The following DPP10 variants were observed in gnomAD, a reference collection of about 807,000 sequenced individuals.
The protein encoded by DPP10 is dipeptidyl peptidase like 10.
A neutral mutation model predicts 120.9 loss-of-function variants in DPP10; 33 were observed. The ratio of observed to expected loss-of-function variants is 0.27; its 90% CI spans 0.21 to 0.37. The LOEUF is 0.37. Among genes scored for constraint, DPP10 ranks in the 10% least tolerant of loss-of-function variants. The probability of loss-of-function intolerance (pLI) is 1.00; values close to 1 mark genes in which losing one functional copy is unlikely to be tolerated. For synonymous variants in DPP10, 337 were observed against 326.1 expected, an observed-to-expected ratio of 1.03 and a Z score of -0.36; for missense variants, 816 against 942.8, an observed-to-expected ratio of 0.87 and a Z score of 1.76.
intron 2 of DPP10, among the ~76,000 whole-genome samples, chr2:115,321,957 T>C (rs931817772): frequency 6.6e-6 from 1 of 152,172 alleles, no homozygotes; most frequent in African/African-American, 2.4e-5. Flanking sequence ...TTTAGCTCTT[T>C]ATTCATGATT....
intron 3 of DPP10, among the ~76,000 whole-genome samples, chr2:115,361,371 T>C (rs2106352641): frequency 6.6e-6 from 1 of 152,164 alleles, no homozygotes; most frequent in East Asian, 1.9e-4. Context: ...AATTCCAGAC[T>C]AATGGCGAGA....
At chr2:114,818,524 A>G (rs1417382535) in intron 1 of DPP10, among the ~76,000 whole-genome samples, 3 of 152,178 alleles carry the variant, frequency 2.0e-5, no homozygotes, top group South Asian at 4.1e-4. Flanking sequence ...GGCGATTACA[A>G]GAAGACAACT....
chr2:115,708,130 A>G (rs867494701), intron 7 of DPP10, among the ~76,000 whole-genome samples: 13 of 152,154 alleles, frequency 8.5e-5, no homozygotes, highest in South Asian at 6.2e-4. Flanking sequence ...AGGGAAAGCA[A>G]TATGTTAAAG....
rs552227746 is a variant in DPP10 at position 114,761,723 on chromosome 2, C to T, written c.60+318885C>T. Among the ~76,000 whole-genome samples the T allele has an allele frequency of 4.6e-5, 7 of 152,272 alleles. No individual in the cohort carries two copies. In the East Asian group the frequency reaches 1.4e-3, roughly 29 times the overall value. ...CTAAATCTATTTGAGCTCACTGGCT[C>T]CTTACCAGCCAAATCTGTGGAAGTA... On this transcript the variant is annotated intron_variant, in intron 1 of 25. Coordinates refer to ENST00000410059, the MANE Select transcript of DPP10 (RefSeq NM_020868.6).
At chr2:114,858,190 G>A (rs374511057) in intron 1 of DPP10, among the ~76,000 whole-genome samples, 6 of 151,944 alleles carry the variant, frequency 3.9e-5, no homozygotes, top group Non-Finnish European at 5.9e-5. Context: ...GGGTTTCACC[G>A]TGTTGCCCAG....
chr2:115,434,588 G>A (rs1373780472), intron 3 of DPP10, among the ~76,000 whole-genome samples: 3 of 148,506 alleles, frequency 2.0e-5, no homozygotes, highest in South Asian at 2.2e-4. Context: ...TTGGAGGTAC[G>A]TGTGATAGTT....
intron 1 of DPP10, among the ~76,000 whole-genome samples, chr2:115,166,880 A>C (rs1445613479): frequency 6.6e-6 from 1 of 152,160 alleles, no homozygotes; most frequent in Non-Finnish European, 1.5e-5. Context: ...AGAATGTCTT[A>C]AGCTTTACTA....
chr2:115,608,555 G>T (rs1476516154), intron 5 of DPP10, among the ~76,000 whole-genome samples: 1 of 152,116 alleles, frequency 6.6e-6, no homozygotes, highest in Non-Finnish European at 1.5e-5. Context: ...ATAAAATGGG[G>T]ACAATTATTT....
intron 1 of DPP10, among the ~76,000 whole-genome samples, chr2:115,029,704 T>A (rs1048063119): frequency 5.9e-5 from 9 of 152,186 alleles, no homozygotes; most frequent in African/African-American, 2.2e-4. Context: ...CTTGGGATTC[T>A]GGATATTTTA....
At chr2:115,781,760 GA>G (rs748083654) in intron 16 of DPP10, among the ~76,000 whole-genome samples, 52 of 150,676 alleles carry the variant, frequency 3.5e-4, no homozygotes, top group East Asian at 1.6e-3. Context: ...ATGACACCAG[GA>G]AAAAAAAATT....
At chr2:114,624,980 A>G (rs1374347937) in intron 1 of DPP10, among the ~76,000 whole-genome samples, 1 of 151,980 alleles carries the variant, frequency 6.6e-6, no homozygotes, top group Non-Finnish European at 1.5e-5. Context: ...CATCTCCAAG[A>G]GATAATGACT....
chr2:114,796,664 T>C (rs1375537581), intron 1 of DPP10, among the ~76,000 whole-genome samples: 1 of 152,198 alleles, frequency 6.6e-6, no homozygotes, highest in East Asian at 1.9e-4. Context: ...ATATGCTTAC[T>C]GTACATATTT....
chr2:114,458,711 A>T (rs763960107), intron 1 of DPP10, among the ~76,000 whole-genome samples: 4 of 152,206 alleles, frequency 2.6e-5, no homozygotes, highest in African/African-American at 7.2e-5. Context: ...TATAGCAATT[A>T]AATGACATGA....
intron 1 of DPP10, among the ~76,000 whole-genome samples, chr2:115,004,559 G>C (rs545571903): frequency 3.9e-5 from 6 of 152,198 alleles, no homozygotes; most frequent in Non-Finnish European, 5.9e-5. Flanking sequence ...CACTCGGGAA[G>C]CGCAAGGGGT....
At chr2:114,793,284 C>G (rs1683407687) in intron 1 of DPP10, among the ~76,000 whole-genome samples, 1 of 152,096 alleles carries the variant, frequency 6.6e-6, no homozygotes, top group Non-Finnish European at 1.5e-5. Context: ...TCTCCTAATG[C>G]TATCCCTCCT....
chr2:114,953,898 C>T (rs981237979), intron 1 of DPP10, among the ~76,000 whole-genome samples: 2 of 151,814 alleles, frequency 1.3e-5, no homozygotes, highest in Non-Finnish European at 2.9e-5. Context: ...GCAACAATTG[C>T]TTCAAATTTT....
chr2:114,880,087 T>C (rs1184537351), intron 1 of DPP10, among the ~76,000 whole-genome samples: 1 of 152,194 alleles, frequency 6.6e-6, no homozygotes, highest in Non-Finnish European at 1.5e-5. Context: ...TTTTAGCTAC[T>C]CTTAGAATCT....
intron 4 of DPP10, among the ~76,000 whole-genome samples, chr2:115,516,982 T>C (rs746850223): frequency 1.3e-5 from 2 of 152,186 alleles, no homozygotes; most frequent in Non-Finnish European, 2.9e-5. Context: ...TTGGAAAGAC[T>C]GTGGAATAAT....
chr2:115,234,605 G>T (rs774808450), intron 1 of DPP10: 1 of 152,164 alleles, frequency 6.6e-6, no homozygotes, highest in Non-Finnish European at 1.5e-5. Context: ...TTAATACGGC[G>T]TGCCACCTTC....
Sources: gnomAD v4.1 joint callset for allele counts (sites outside exome capture counted in the v4.1 genomes callset) on GRCh38, gnomAD v4.1.1 for gene constraint, MANE v1.5 for transcripts, NCBI Gene and HGNC (gene_info 2026-07-23, HGNC 2026-07-21) for gene names.